The following NAA11 variants were observed in gnomAD, a reference collection of about 807,000 sequenced individuals.
The protein encoded by NAA11 is N-alpha-acetyltransferase 11.
In NAA11, 15 loss-of-function variants were observed where a neutral mutation model predicts 16.1. The observed-to-expected ratio is 0.93, with a 90% CI of 0.62 to 1.44. NAA11 has a LOEUF of 1.44. Among genes scored for constraint, NAA11 ranks in the 40% most tolerant of loss-of-function variants. The pLI is 0.00. For missense variants in NAA11, 298 were observed against 291.3 expected, an observed-to-expected ratio of 1.02 and a Z score of -0.17; for synonymous variants, 122 against 112.4, an observed-to-expected ratio of 1.09 and a Z score of -0.54.
chr4:79,187,793 G>A, the NAA11 span, among the ~76,000 whole-genome samples: 3 of 151,914 alleles, frequency 2.0e-5, no homozygotes, highest in Non-Finnish European at 4.4e-5. Context: ...TCAGGAGATC[G>A]AGACCATCCT....
the NAA11 span, among the ~76,000 whole-genome samples, chr4:79,190,041 CACAA>C: frequency 1.3e-5 from 2 of 152,136 alleles, no homozygotes; most frequent in East Asian, 3.8e-4. Context: ...AAACCACCCA[CACAA>C]ACAAAAACAA....
chr4:79,280,429 C>A (rs1722758634), intron 2 of NAA11, among the ~76,000 whole-genome samples: 1 of 152,064 alleles, frequency 6.6e-6, no homozygotes, highest in African/African-American at 2.4e-5. Context: ...TGTTTATACT[C>A]ACTTTTTCTG....
chr4:79,208,073 C>T, the NAA11 span, among the ~76,000 whole-genome samples: 6 of 152,208 alleles, frequency 3.9e-5, no homozygotes, highest in East Asian at 1.9e-4. Context: ...AACTACCTGA[C>T]TTCCAGACAG....
chr4:79,256,488 G>A (rs1722108655), intron 2 of NAA11, among the ~76,000 whole-genome samples: 1 of 151,658 alleles, frequency 6.6e-6, no homozygotes, highest in Admixed American at 6.6e-5. Context: ...CACAATAAAT[G>A]GTGCTGGGTT....
chr4:79,305,089 A>C (rs1005466363), intron 1 of NAA11: 1 of 152,156 alleles, frequency 6.6e-6, no homozygotes, highest in Non-Finnish European at 1.5e-5. Context: ...TCATGGGCTG[A>C]ATTCTTTCTC....
chr4:79,155,946 T>C, the NAA11 span, among the ~76,000 whole-genome samples: 1 of 152,184 alleles, frequency 6.6e-6, no homozygotes, highest in African/African-American at 2.4e-5. Flanking sequence ...ATTCTCAGGT[T>C]TGGAGGACAG....
intron 2 of NAA11, among the ~76,000 whole-genome samples, chr4:79,257,074 G>C (rs1722130873): frequency 6.6e-6 from 1 of 152,064 alleles, no homozygotes; most frequent in South Asian, 2.1e-4. Flanking sequence ...ATGTAAAGTT[G>C]TTAATGAAAT....
chr4:79,284,109 A>G (rs1396484504), intron 2 of NAA11, among the ~76,000 whole-genome samples: 1 of 152,118 alleles, frequency 6.6e-6, no homozygotes, highest in Non-Finnish European at 1.5e-5. Context: ...AAACCCAAAA[A>G]CAAAAGTCCA....
the NAA11 span, among the ~76,000 whole-genome samples, chr4:79,168,925 A>G: frequency 1.1e-4 from 16 of 152,190 alleles, no homozygotes; most frequent in African/African-American, 3.6e-4. Flanking sequence ...CACAAAATCA[A>G]TGTGCAGAAA....
chr4:79,185,998 A>T, the NAA11 span, among the ~76,000 whole-genome samples: 1 of 152,122 alleles, frequency 6.6e-6, no homozygotes. Flanking sequence ...TATTAAAAAC[A>T]GTGTTTTGTG....
the NAA11 span, among the ~76,000 whole-genome samples, chr4:79,157,407 C>T: frequency 2.0e-5 from 3 of 151,986 alleles, no homozygotes; most frequent in Admixed American, 2.0e-4. Context: ...CCAGTTCCAT[C>T]CAGGTTGCTG....
the NAA11 span, among the ~76,000 whole-genome samples, chr4:79,204,928 TACACACACAC>T: frequency 2.1e-4 from 31 of 147,786 alleles, no homozygotes; most frequent in African/African-American, 7.4e-4. Flanking sequence ...ATGGTGTGTA[TACACACACAC>T]ACACACACAC....
intron 2 of NAA11, among the ~76,000 whole-genome samples, chr4:79,230,259 C>T (rs915263002): frequency 6.6e-6 from 1 of 151,064 alleles, no homozygotes; most frequent in Non-Finnish European, 1.5e-5. Context: ...GAATATCACA[C>T]TCTGGGGACT....
intron 2 of NAA11, among the ~76,000 whole-genome samples, chr4:79,278,493 A>G (rs978674255): frequency 9.2e-5 from 14 of 151,982 alleles, no homozygotes; most frequent in African/African-American, 1.9e-4. Context: ...TATTAATTCT[A>G]TTATCTTTGA....
At chr4:79,323,069 C>G (rs1436260722) in intron 1 of NAA11, among the ~76,000 whole-genome samples, 1 of 152,136 alleles carries the variant, frequency 6.6e-6, no homozygotes, top group Admixed American at 6.5e-5. Flanking sequence ...AGCTCCAAGC[C>G]TAATGCCTGA....
chr4:79,222,875 C>T (rs1721223895), downstream of NAA11, among the ~76,000 whole-genome samples: 1 of 151,914 alleles, frequency 6.6e-6, no homozygotes, highest in African/African-American at 2.4e-5. Context: ...ATCTATGCAG[C>T]CAAAAGACAC....
chr4:79,315,726 A>G (rs1266292866), downstream of NAA11, among the ~76,000 whole-genome samples: 1 of 151,972 alleles, frequency 6.6e-6, no homozygotes, highest in Non-Finnish European at 1.5e-5. Flanking sequence ...GAACAATGCT[A>G]TTACAAAAAA....
At chr4:79,195,844 C>T in the NAA11 span, 4 of 153,640 alleles carry the variant, frequency 2.6e-5, no homozygotes, top group African/African-American at 9.6e-5. Context: ...AGAACTGCTT[C>T]TTGCTGCCGC....
intron 2 of NAA11, among the ~76,000 whole-genome samples, chr4:79,251,959 T>G (rs1722007703): frequency 6.6e-6 from 1 of 152,030 alleles, no homozygotes; most frequent in Non-Finnish European, 1.5e-5. Context: ...CATCAACAGA[T>G]GATTGGATGA....
Sources: gnomAD v4.1 joint callset for allele counts (sites outside exome capture counted in the v4.1 genomes callset) on GRCh38, gnomAD v4.1.1 for gene constraint, MANE v1.5 for transcripts, NCBI Gene and HGNC (gene_info 2026-07-23, HGNC 2026-07-21) for gene names.